CROCC2: variants seen among roughly 807,000 people sequenced by gnomAD.
CROCC2 encodes the protein ciliary rootlet coiled-coil protein 2.
Under a neutral mutation model 177.6 loss-of-function variants are expected in CROCC2, and 163 were observed. The ratio of observed to expected loss-of-function variants is 0.92; its 90% CI spans 0.81 to 1.05. The LOEUF is 1.05. Among genes scored for constraint, CROCC2 ranks in the 50% least tolerant of loss-of-function variants. The pLI, the probability that CROCC2 is intolerant of heterozygous loss-of-function variation, is 0.00. For synonymous variants in CROCC2, 904 were observed against 787.3 expected, an observed-to-expected ratio of 1.15 and a Z score of -2.48; for missense variants, 1,929 against 1,797.8, an observed-to-expected ratio of 1.07 and a Z score of -1.32.
intron 28 of CROCC2, 43 bp downstream of exon 28, chr2:240,983,072 C>T (rs772458672): frequency 7.0e-5 from 107 of 1,531,046 alleles, no homozygotes; most frequent in Non-Finnish European, 2.4e-5. Context: ...CACCAGGAGG[C>T]GGTGAACAGG....
Position 240,949,810 on chromosome 2 carries a change from A to T in CROCC2, c.2652+108A>T, listed in dbSNP as rs2059543001. The stretch of plus-strand genomic sequence containing the variant: ...CCTGGGAGACAGAGCTCAGAGACAT[A>T]GGCGCCTGGCCAGGGCTGGGCAAGG... On this transcript the variant is annotated intron_variant, in intron 17 of 31. Coordinates refer to ENST00000690015, the MANE Select transcript of CROCC2 (RefSeq NM_001351305.2). This position sits in a 1 kb window ranked among gnomAD's most constrained non-coding sequence, Gnocchi z 4.5. The T allele has an allele frequency of 5.0e-6, 6 of 1,208,556 alleles. No individual in the cohort carries two copies. The East Asian group carries it at 1.5e-4, about 31-fold the overall frequency. 74.9% of individuals were successfully genotyped at this position (1,208,556 alleles called of 1,614,324 possible).
At position 240,960,067 on chromosome 2, in the gene CROCC2, C is replaced by G. The variant is rs775943229; in HGVS notation, c.3087+623C>G. On this transcript the variant is annotated intron_variant, in intron 20 of 31. Coordinates refer to ENST00000690015, the MANE Select transcript of CROCC2 (RefSeq NM_001351305.2). This position sits in a 1 kb window ranked among gnomAD's most constrained non-coding sequence, Gnocchi z 5.0. The stretch of plus-strand genomic sequence containing the variant: ...TTAAGAAAGTGGAGTCAGGAAGGGC[C>G]TGACTCTGGAGGCACTGGGGCAGCT... Among the ~76,000 whole-genome samples, 4 of 152,240 alleles carry G rather than the reference C, an allele frequency of 2.6e-5. No homozygotes were observed. Among genetic ancestry groups the G allele is most frequent in the African/African-American group, 7.2e-5 (3 of 41,466 alleles).
intron 20 of CROCC2, among the ~76,000 whole-genome samples, chr2:240,962,792 G>T (rs374469764): frequency 4.6e-5 from 7 of 152,296 alleles, no homozygotes; most frequent in African/African-American, 1.7e-4. Context: ...GAGACTGGGC[G>T]CCAGGGCCGA....
chr2:240,907,993 G>C (rs371094273), intron 1 of CROCC2, among the ~76,000 whole-genome samples: 2 of 14,926 alleles, frequency 1.3e-4, no homozygotes, highest in African/African-American at 5.3e-4. Context: ...TCCTCCACCT[G>C]GGGTGAGCTC....
In CROCC2 at chr2:240,922,637, C is replaced by T. The variant is rs1005090935; in HGVS notation, c.480C>T (p.Ala160=). 1.9e-4 allele frequency: 126 copies of T among 651,040 alleles called. No individual in the cohort carries two copies. The highest frequency in any genetic ancestry group is 2.6e-4 in the Non-Finnish European group (90 of 349,820). 40.3% of individuals were successfully genotyped at this position (651,040 alleles called of 1,614,324 possible). A position where few individuals can be genotyped will look rare whatever the true frequency, so the allele number is the denominator to read the frequency against. Residue 160 remains alanine (A), a synonymous_variant, in exon 4 of 32, where the codon GCC becomes GCT. Transcript: ENST00000690015. Reference sequence around the variant, plus strand: ...AGGCCCTTGGCCGTCTGGAGGCTGCCGAGGAGAGGTGAGGCCAGGTGCGGG... The same window carrying T: ...AGGCCCTTGGCCGTCTGGAGGCTGCTGAGGAGAGGTGAGGCCAGGTGCGGG... ...LEEALGRLEA[A]EERSTGLCQV...
chr2:240,968,347 G>A, intron 27 of CROCC2, 85 bp downstream of exon 27: 1 of 1,402,348 alleles, frequency 7.1e-7, no homozygotes, highest in Non-Finnish European at 9.3e-7. Context: ...GGAGGCCACA[G>A]GGCCGGGAGG....
Position 240,946,228 on chromosome 2 carries a change from G to C in CROCC2, c.2338G>C (p.Ala780Pro). 1 of 1,536,954 alleles carries C rather than the reference G, an allele frequency of 6.5e-7. No individual in the cohort carries two copies. Among genetic ancestry groups the C allele is most frequent in the Non-Finnish European group, 8.8e-7 (1 of 1,136,146 alleles). Residue 780 changes from alanine to proline, a missense_variant, in exon 15 of 32, where the codon GCA becomes CCA. Around this residue, in one of 3 missense-constraint regions of CROCC2, gnomAD observed 1,397 missense variants for 1,239.9 expected, o/e 1.13. Coordinates refer to ENST00000690015, the MANE Select transcript of CROCC2 (RefSeq NM_001351305.2). ...GGCCTTGGAGAGGCAGGGCCGGCTC[G>C]CAGCTGAAGAGGCAGCTGATCTCAG... ...QEALERQGRL[A>P]AEEAADLRVE...
rs575885944 is a variant in CROCC2 at position 240,959,314 on chromosome 2, C to T, written c.2957C>T (p.Ala986Val). 6.4e-6 allele frequency: 10 copies of T among 1,550,502 alleles called. No individual in the cohort carries two copies. In the South Asian group the frequency reaches 1.2e-4, roughly 18 times the overall value. The change falls in exon 20 of 32, where the codon GCC becomes GTC. Residue 986 changes from alanine to valine, a missense_variant. Ala to Val is a moderately conservative substitution (Grantham distance 64). Transcript: ENST00000690015. ...TTCTCCCCGCAGGCCACCATCAGTGCCACGACTGAGGAGCTGAAGGCCCTC... is the reference window on the plus strand; with the variant it reads ...TTCTCCCCGCAGGCCACCATCAGTGTCACGACTGAGGAGCTGAAGGCCCTC... ...QQEQAQATIS[A>V]TTEELKALQA...
chr2:240,921,275 G>C (rs1004013127), intron 3 of CROCC2, among the ~76,000 whole-genome samples: 1 of 152,070 alleles, frequency 6.6e-6, no homozygotes, highest in Admixed American at 6.5e-5. Context: ...GTTCTATCAC[G>C]CCCTGACCCC....
rs952689760 is a variant in CROCC2 at position 240,933,538 on chromosome 2, C to T, written c.1464-132C>T. 32 of 1,184,500 alleles carry T rather than the reference C, an allele frequency of 2.7e-5. 1 individual carries two copies. The highest frequency in any genetic ancestry group is 2.8e-4 in the Middle Eastern group (1 of 3,552). 73.4% of individuals were successfully genotyped at this position (1,184,500 alleles called of 1,614,324 possible). A position where few individuals can be genotyped will look rare whatever the true frequency, so the allele number is the denominator to read the frequency against. On this transcript the variant is annotated intron_variant, in intron 10 of 31. Coordinates refer to ENST00000690015, the MANE Select transcript of CROCC2 (RefSeq NM_001351305.2). ...GACACACCCGCCAGTGAGACCCTGT[C>T]TGCTTCTCAGGCTCCCTCTGCCCAT...
At chr2:240,952,724 G>A (rs1159482677) in intron 18 of CROCC2, among the ~76,000 whole-genome samples, 5 of 152,198 alleles carry the variant, frequency 3.3e-5, no homozygotes, top group South Asian at 2.1e-4. Context: ...GAGCTAGGAC[G>A]GGCCTTGGGC....
intron 14 of CROCC2, among the ~76,000 whole-genome samples, chr2:240,945,812 T>C (rs1243104526): frequency 1.3e-5 from 2 of 152,092 alleles, no homozygotes; most frequent in Non-Finnish European, 2.9e-5. Flanking sequence ...AGATTGACAG[T>C]TGGCTCCTAC....
chr2:240,911,710 C>A (rs1044916852), intron 1 of CROCC2, among the ~76,000 whole-genome samples: 1 of 151,898 alleles, frequency 6.6e-6, no homozygotes, highest in Non-Finnish European at 1.5e-5. Flanking sequence ...AACTTGGTGA[C>A]TCTAGCAGCC....
At chr2:240,955,803 T>A in intron 18 of CROCC2, 56 bp from the exon 19 acceptor site, 1 of 1,290,140 alleles carries the variant, frequency 7.8e-7, no homozygotes. Context: ...GAGGGGGGCC[T>A]CTTCCCTCCC....
intron 28 of CROCC2, chr2:240,983,619 C>T: frequency 7.8e-7 from 1 of 1,284,990 alleles, no homozygotes. Flanking sequence ...AGGAGGAGCT[C>T]CTGGCTGGGG....
chr2:240,967,422 C>T lies in CROCC2; in HGVS notation c.4224C>T (p.Ser1408=). 8.3e-7 allele frequency: 1 copy of T among 1,208,324 alleles called. No homozygotes were observed. Among genetic ancestry groups the T allele is most frequent in the Non-Finnish European group, 1.2e-6 (1 of 834,660 alleles). 74.9% of individuals were successfully genotyped at this position (1,208,324 alleles called of 1,614,324 possible). A position where few individuals can be genotyped will look rare whatever the true frequency, so the allele number is the denominator to read the frequency against. The change falls in exon 26 of 32, where the codon AGC becomes AGT. Residue 1408 remains serine (S), a synonymous_variant. Transcript: ENST00000690015. ...AGTGCAGGTGTGCCCGGGCCCAGAG[C>T]CGCGTGGGGCAGCTGCAGAAAGCCC... ...EAECRCARAQ[S]RVGQLQKALA...
At chr2:240,916,205 G>A (rs1246292735) in intron 1 of CROCC2, among the ~76,000 whole-genome samples, 2 of 151,922 alleles carry the variant, frequency 1.3e-5, no homozygotes, top group Admixed American at 6.5e-5. Flanking sequence ...ACAGGCCTCC[G>A]GACACGCCGA....
Position 240,949,069 on chromosome 2 carries a change from C to T in CROCC2, c.2454C>T (p.Ser818=), listed in dbSNP as rs560184143. The T allele has an allele frequency of 2.9e-4, 448 of 1,547,170 alleles. No individual in the cohort carries two copies. The highest frequency in any genetic ancestry group is 3.2e-4 in the Non-Finnish European group (366 of 1,146,096). Residue 818 remains serine, a synonymous_variant, in exon 16 of 32, where the codon AGC becomes AGT. Transcript: ENST00000690015. The surrounding 1 kb of genome is among the most constrained non-coding windows in gnomAD (Gnocchi z 4.5). ...AGCAGCTGGAGGAGGAAGCCCGGAG[C>T]GCAGGACTCGCGCGGCAGGCCTTGC... is the stretch of plus-strand genomic sequence containing the variant. The part of the protein sequence containing the change: ...LQEQLEEEAR[S]AGLARQALQV...
chr2:240,986,676 C>T (rs1002387121), intron 28 of CROCC2, among the ~76,000 whole-genome samples: 1 of 152,202 alleles, frequency 6.6e-6, no homozygotes, highest in Non-Finnish European at 1.5e-5. Context: ...GGACTTCCAT[C>T]CGTGGAGCCT....
Sources: allele counts gnomAD v4.1 joint callset (sites outside exome capture counted in the v4.1 genomes callset), GRCh38; gene constraint gnomAD v4.1.1; regional missense constraint gnomAD v4.1.1; non-coding constraint Gnocchi (gnomAD v3.1); transcripts MANE v1.5; gene names NCBI Gene and HGNC (gene_info 2026-07-23, HGNC 2026-07-21).